Variants in GIT1 observed in about 807,000 individuals in gnomAD.
GIT1 encodes the protein GIT ArfGAP 1, also known as ARF GTPase-activating protein GIT1.
In GIT1, 14 loss-of-function variants were observed where a neutral mutation model predicts 91.7. That is an observed-to-expected ratio of 0.15 (90% CI 0.10 to 0.24). GIT1 has a LOEUF of 0.24. Ranked by LOEUF, GIT1 falls within the 10% of genes least tolerant of loss-of-function variation. GIT1 has a pLI of 1.00. For synonymous variants in GIT1, 414 were observed against 418.2 expected (o/e 0.99, Z 0.12); for missense variants, 717 against 1,024.9 (o/e 0.70, Z 4.10).
chr17:29,582,837 G>A, intron 3 of GIT1, 34 bp from the exon 4 acceptor site: 1 of 1,576,134 alleles, frequency 6.3e-7, no homozygotes, highest in Non-Finnish European at 8.7e-7. Context: ...TGGGGAGCAT[G>A]GTGGGAGAGG....
chr17:29,576,705 C>G, intron 12 of GIT1, 31 bp from the exon 13 acceptor site: 1 of 1,612,454 alleles, frequency 6.2e-7, no homozygotes, highest in Non-Finnish European at 8.5e-7. Flanking sequence ...TGGTCAGCAC[C>G]TGGGGGCAGG....
Position 29,582,043 on chromosome 17 carries a change from T to A in GIT1, c.507A>T (p.Thr169=), listed in dbSNP as rs934065962. The change falls in exon 5 of 20, where the codon ACA becomes ACT. Residue 169 remains threonine, a synonymous_variant. Coordinates refer to ENST00000225394, the MANE Select transcript of GIT1 (RefSeq NM_014030.4). ...CTGCCTTGGCAGCCACGTGCAGAGG[T>A]GTGGTGCCCTTCTCTGGGTGGAAGA... ...ANFFHPEKGT[T]PLHVAAKAGQ... is the part of the protein sequence containing the mutation. 1 of 1,611,426 alleles carries A rather than the reference T, an allele frequency of 6.2e-7. No individual in the cohort carries two copies.
At chr17:29,583,658 G>A in intron 1 of GIT1, 42 bp from the exon 2 acceptor site, 1 of 1,540,514 alleles carries the variant, frequency 6.5e-7, no homozygotes, top group Non-Finnish European at 8.7e-7. Flanking sequence ...CCAGATGATG[G>A]GCCAGACCTC....
Position 29,576,644 on chromosome 17 carries a change from C to A in GIT1, c.1258G>T (p.Ala420Ser). ...SMDSSDLSDG[A>S]VTLQEYLELK... ...TCCAGGTACTCCTGCAGCGTCACAG[C>A]CCCGTCAGACAAGTCCGAGGAGTCC... Residue 420 changes from alanine to serine, a missense_variant, in exon 13 of 20, where the codon GCT becomes TCT. Transcript: ENST00000225394. The A allele has an allele frequency of 6.2e-7, 1 of 1,614,012 alleles. No homozygotes were observed. Among genetic ancestry groups the A allele is most frequent in the Non-Finnish European group, 8.5e-7 (1 of 1,179,996 alleles).
intron 2 of GIT1, 63 bp downstream of exon 2, chr17:29,583,420 C>T (rs143868122): frequency 0.013 from 20,699 of 1,557,620 alleles, 190 homozygotes; most frequent in Middle Eastern, 0.041. Flanking sequence ...GAGGGGGAAA[C>T]GCCCTCATGC....
chr17:29,589,236 T>G lies in GIT1; in HGVS notation c.52+91A>C. The stretch of plus-strand genomic sequence containing the variant: ...CGCAGCCCCCCGCCCCGCCCAGCCC[T>G]CCGGCCCCGCACAGCGCTCTTGCCA... On this transcript the variant is annotated intron_variant, in intron 1 of 19. Coordinates refer to ENST00000225394, the MANE Select transcript of GIT1 (RefSeq NM_014030.4). This position sits in a 1 kb window ranked among gnomAD's most constrained non-coding sequence, Gnocchi z 5.2. 4.9e-6 allele frequency: 1 copy of G among 205,064 alleles called. No individual in the cohort carries two copies. Among genetic ancestry groups the G allele is most frequent in the Non-Finnish European group, 8.3e-6 (1 of 121,152 alleles). The allele number at this position is 205,064 out of a possible 1,614,324, so 12.7% of individuals were successfully genotyped here.
chr17:29,579,062 G>A (rs1022545782), intron 7 of GIT1: 5 of 1,357,822 alleles, frequency 3.7e-6, no homozygotes, highest in Non-Finnish European at 3.2e-6. Context: ...GGCAGCACAC[G>A]CCTTTTCACA....
At chr17:29,579,756 C>T (rs1163153234) in intron 7 of GIT1, among the ~76,000 whole-genome samples, 1 of 151,902 alleles carries the variant, frequency 6.6e-6, no homozygotes, top group Admixed American at 6.6e-5. Context: ...ATTTTGCATA[C>T]ATTCTTATCT....
At position 29,575,990 on chromosome 17, in the gene GIT1, T is replaced by C. The variant is rs930379352; in HGVS notation, c.1665+88A>G. On this transcript the variant is annotated intron_variant, in intron 15 of 19. Transcript: ENST00000225394. The surrounding 1 kb of genome is among the most constrained non-coding windows in gnomAD (Gnocchi z 5.5). ...AGCAGGGACCAGGTCAGTCTAATCA[T>C]CTTAAGCCCCGAATTCAGCACAGAG... 1.0e-5 allele frequency: 16 copies of C among 1,552,686 alleles called. No homozygotes were observed. The African/African-American group carries it at 1.6e-4, about 16-fold the overall frequency.
At chr17:29,577,782 A>G in intron 9 of GIT1, 40 bp from the exon 10 acceptor site, 1 of 1,261,144 alleles carries the variant, frequency 7.9e-7, no homozygotes, top group Non-Finnish European at 1.2e-6. Context: ...CACGGTGGCC[A>G]GGCCCCCAAG....
intron 12 of GIT1, 58 bp from the exon 13 acceptor site, chr17:29,576,732 G>A: frequency 6.2e-6 from 10 of 1,604,442 alleles, no homozygotes; most frequent in Non-Finnish European, 7.7e-6. Context: ...AACACCCGCA[G>A]GGGGCAGTTA....
intron 12 of GIT1, 37 bp from the exon 13 acceptor site, chr17:29,576,711 G>A (rs1317289253): frequency 6.2e-7 from 1 of 1,611,532 alleles, no homozygotes; most frequent in Non-Finnish European, 8.5e-7. Context: ...GCACCTGGGG[G>A]CAGGGAGGCC....
chr17:29,588,932 T>C (rs1353487272), intron 1 of GIT1, among the ~76,000 whole-genome samples: 2 of 152,142 alleles, frequency 1.3e-5, no homozygotes, highest in African/African-American at 2.4e-5. Flanking sequence ...GGGGTGGCAC[T>C]GAGATGACAT....
At chr17:29,583,855 G>A (rs2150849368) in intron 1 of GIT1, 1 of 548,252 alleles carries the variant, frequency 1.8e-6, no homozygotes, top group Non-Finnish European at 3.2e-6. Context: ...TCTGGGATAT[G>A]CAGTCCCCAG....
At position 29,589,602 on chromosome 17, in the gene GIT1, G is replaced by GCTCGCGGCTCCTCTCTCCGCCC. The variant is rs2033740738; in HGVS notation, c.-246_-225dup. Reference sequence around the variant, plus strand: ...CTCCGCCCCGCGCCGCCCCGCCGCCGCTCGCGGCTCCTCTCTCCGCCCCCT... The same window carrying GCTCGCGGCTCCTCTCTCCGCCC: ...CTCCGCCCCGCGCCGCCCCGCCGCCGCTCGCGGCTCCTCTCTCCGCCCCTCGCGGCTCCTCTCTCCGCCCCCT... On this transcript the variant is annotated 5_prime_UTR_variant, in exon 1 of 20. Coordinates refer to ENST00000225394, the MANE Select transcript of GIT1 (RefSeq NM_014030.4). The surrounding 1 kb of genome is among the most constrained non-coding windows in gnomAD (Gnocchi z 5.2). 1 of 148,168 alleles carries GCTCGCGGCTCCTCTCTCCGCCC rather than the reference G, an allele frequency of 6.7e-6. No individual in the cohort carries two copies. Among genetic ancestry groups the GCTCGCGGCTCCTCTCTCCGCCC allele is most frequent in the Non-Finnish European group, 1.5e-5 (1 of 66,562 alleles). The allele number at this position is 148,168 out of a possible 1,614,324, so 9.2% of individuals were successfully genotyped here. A position where few individuals can be genotyped will look rare whatever the true frequency, so the allele number is the denominator to read the frequency against.
At chr17:29,587,566 G>A (rs181279945) in intron 1 of GIT1, among the ~76,000 whole-genome samples, 2 of 152,324 alleles carry the variant, frequency 1.3e-5, no homozygotes, top group Admixed American at 6.5e-5. Context: ...GGCATCCAGA[G>A]GCTGTGGTCG....
Position 29,589,427 on chromosome 17 carries a change from G to A in GIT1, c.-49C>T, listed in dbSNP as rs1329574195. ...CCCTCTGGGCCAGCGTGGGGGGCGC[G>A]GGCGGCGGGCCCGGGCGGCGGCGGC... is the stretch of plus-strand genomic sequence containing the variant. On this transcript the variant is annotated 5_prime_UTR_variant, in exon 1 of 20. Transcript: ENST00000225394. This position sits in a 1 kb window ranked among gnomAD's most constrained non-coding sequence, Gnocchi z 5.2. The A allele has an allele frequency of 1.2e-6, 1 of 839,368 alleles. No homozygotes were observed. Among genetic ancestry groups the A allele is most frequent in the Non-Finnish European group, 1.4e-6 (1 of 698,696 alleles). The allele number at this position is 839,368 out of a possible 1,614,324, so 52.0% of individuals were successfully genotyped here.
intron 1 of GIT1, among the ~76,000 whole-genome samples, chr17:29,586,742 G>A (rs897670952): frequency 6.6e-6 from 1 of 152,242 alleles, no homozygotes; most frequent in Non-Finnish European, 1.5e-5. Flanking sequence ...AAGCCCATGG[G>A]GTGAGGAGAG....
At chr17:29,585,276 G>A (rs1250706728) in intron 1 of GIT1, among the ~76,000 whole-genome samples, 2 of 152,172 alleles carry the variant, frequency 1.3e-5, no homozygotes, top group African/African-American at 4.8e-5. Context: ...GCCACCTCCA[G>A]CAGCCCAGGC....
Sources: gnomAD v4.1 joint callset for allele counts (sites outside exome capture counted in the v4.1 genomes callset) on GRCh38, gnomAD v4.1.1 for gene constraint, Gnocchi (gnomAD v3.1) non-coding constraint, MANE v1.5 for transcripts, NCBI Gene and HGNC (gene_info 2026-07-23, HGNC 2026-07-21) for gene names.